The following SLC35D1 variants were observed in gnomAD, a reference collection of about 807,000 sequenced individuals.
SLC35D1 encodes nucleotide sugar transporter SLC35D1.
In SLC35D1, 31 loss-of-function variants were observed where a neutral mutation model predicts 46.7. The observed-to-expected ratio is 0.66, with a 90% confidence interval of 0.50 to 0.90. SLC35D1 has a LOEUF of 0.90. Among genes scored for constraint, SLC35D1 ranks in the 40% least tolerant of loss-of-function variants. The pLI, the probability that SLC35D1 is intolerant of heterozygous loss-of-function variation, is 0.00. For synonymous variants in SLC35D1, 195 were observed against 164.6 expected, an observed-to-expected ratio of 1.18 and a Z score of -1.41; for missense variants, 397 against 426.2, an observed-to-expected ratio of 0.93 and a Z score of 0.60.
chr1:66,985,844 C>G, the SLC35D1 span: 3 of 510,640 alleles, frequency 5.9e-6, no homozygotes, highest in Non-Finnish European at 7.1e-6. Flanking sequence ...TTTTAAATTT[C>G]TACTTAAGGG....
chr1:66,990,544 G>A, the SLC35D1 span, among the ~76,000 whole-genome samples: 1 of 152,138 alleles, frequency 6.6e-6, no homozygotes, highest in Non-Finnish European at 1.5e-5. Flanking sequence ...TGGGATTACA[G>A]GTGTGACCAC....
intron 8 of SLC35D1, among the ~76,000 whole-genome samples, chr1:67,038,263 C>T (rs570623327): frequency 2.6e-5 from 4 of 152,190 alleles, no homozygotes; most frequent in Non-Finnish European, 5.9e-5. Context: ...TAACTCTAAA[C>T]AGGCTAACTT....
intron 10 of SLC35D1, among the ~76,000 whole-genome samples, chr1:67,016,867 A>G (rs72673758): frequency 0.039 from 5,972 of 152,276 alleles, 148 homozygotes; most frequent in Non-Finnish European, 0.054. Flanking sequence ...TGAAGAAATT[A>G]AAGTTGACTT....
intron 10 of SLC35D1, among the ~76,000 whole-genome samples, chr1:67,012,380 TG>T (rs1667584191): frequency 1.3e-5 from 2 of 152,022 alleles, no homozygotes; most frequent in East Asian, 3.9e-4. Context: ...ATGGGAACTT[TG>T]GGAAGGCTCT....
chr1:67,043,847 G>A (rs1459723699), intron 7 of SLC35D1, among the ~76,000 whole-genome samples: 2 of 152,166 alleles, frequency 1.3e-5, no homozygotes, highest in Admixed American at 1.3e-4. Flanking sequence ...GGGACATTCA[G>A]CATGAAGCAG....
chr1:66,977,864 A>G, the SLC35D1 span, among the ~76,000 whole-genome samples: 80 of 152,322 alleles, frequency 5.3e-4, no homozygotes, highest in Non-Finnish European at 4.4e-4. Context: ...AATGTACTCC[A>G]GTAAAGATGT....
intron 11 of SLC35D1, among the ~76,000 whole-genome samples, chr1:67,008,086 T>A (rs1287401184): frequency 6.6e-6 from 1 of 152,188 alleles, no homozygotes; most frequent in Non-Finnish European, 1.5e-5. Flanking sequence ...TTATGCCTTT[T>A]AAAAAATTTT....
chr1:67,048,142 T>C (rs1001596480), intron 6 of SLC35D1, among the ~76,000 whole-genome samples: 3 of 152,256 alleles, frequency 2.0e-5, no homozygotes, highest in African/African-American at 7.2e-5. Context: ...TCTATGCCAC[T>C]GCAATTTTAG....
chr1:66,989,946 A>G, the SLC35D1 span, among the ~76,000 whole-genome samples: 3 of 152,094 alleles, frequency 2.0e-5, no homozygotes, highest in African/African-American at 7.2e-5. Context: ...TCCTTAGTCT[A>G]CTCTTGTCAC....
At chr1:67,013,485 G>T (rs573546460) in intron 10 of SLC35D1, among the ~76,000 whole-genome samples, 38 of 152,114 alleles carry the variant, frequency 2.5e-4, no homozygotes, top group South Asian at 1.0e-3. Flanking sequence ...AGCCCGGGAG[G>T]TCAAGGCTGC....
Position 67,054,142 on chromosome 1 carries a change from C to T in SLC35D1, c.-129G>A. 1.1e-6 allele frequency: 1 copy of T among 871,790 alleles called. No individual in the cohort carries two copies. The allele number at this position is 871,790 out of a possible 1,614,324, so 54.0% of individuals were successfully genotyped here. A position where few individuals can be genotyped will look rare whatever the true frequency, so the allele number is the denominator to read the frequency against. On this transcript the variant is annotated 5_prime_UTR_variant, in exon 1 of 12. Coordinates refer to ENST00000235345, the MANE Select transcript of SLC35D1 (RefSeq NM_015139.3). ...AGCTGCGCGCTCGCCGCCTCGACTC[C>T]CCGCTTGGCCGCCGCCTGTCCCCGC...
At chr1:67,018,435 C>A (rs1347697797) in intron 10 of SLC35D1, among the ~76,000 whole-genome samples, 1 of 152,034 alleles carries the variant, frequency 6.6e-6, no homozygotes, top group Non-Finnish European at 1.5e-5. Flanking sequence ...ATTAGGGTAT[C>A]CTAAGCAAGG....
At chr1:66,997,267 T>C (rs547671349), downstream of SLC35D1, among the ~76,000 whole-genome samples, 2 of 152,048 alleles carry the variant, frequency 1.3e-5, no homozygotes, top group Non-Finnish European at 2.9e-5. Flanking sequence ...TCTTAGCATT[T>C]TGGGAGACCC....
At chr1:67,025,945 T>C (rs1667905481) in intron 8 of SLC35D1, among the ~76,000 whole-genome samples, 1 of 152,192 alleles carries the variant, frequency 6.6e-6, no homozygotes, top group Non-Finnish European at 1.5e-5. Flanking sequence ...TTCTAGATTC[T>C]TTAAGATTTT....
At chr1:67,053,117 C>A in intron 1 of SLC35D1, 128 bp from the exon 2 acceptor site, 2 of 1,117,858 alleles carry the variant, frequency 1.8e-6, no homozygotes, top group South Asian at 2.7e-5. Context: ...GCCCCTAAAT[C>A]AAACAAAAAT....
intron 7 of SLC35D1, 58 bp downstream of exon 7, chr1:67,047,207 T>C: frequency 7.3e-7 from 1 of 1,367,988 alleles, no homozygotes; most frequent in Non-Finnish European, 1.0e-6. Flanking sequence ...CTTTTTCTCC[T>C]ATGAATTGAC....
rs1027669842 is a variant in SLC35D1, at chr1:67,047,169, C to T, written c.636+96G>A. On this transcript the variant is annotated intron_variant, in intron 7 of 11. Transcript: ENST00000235345. ...CAGAGAGCCACTATGTCTTTCTCAT[C>T]CCCAGTAAGAACTTTCTTTATTCCC... The T allele has an allele frequency of 2.9e-5, 26 of 904,682 alleles. No individual in the cohort carries two copies. In the African/African-American group the frequency reaches 4.3e-4, roughly 15 times the overall value. 56.0% of individuals were successfully genotyped at this position (904,682 alleles called of 1,614,324 possible). A position where few individuals can be genotyped will look rare whatever the true frequency, so the allele number is the denominator to read the frequency against.
chr1:67,053,750 C>A, intron 1 of SLC35D1, 61 bp downstream of exon 1: 1 of 1,393,310 alleles, frequency 7.2e-7, no homozygotes, highest in Non-Finnish European at 9.4e-7. Context: ...GAGCCGGCGC[C>A]GCGCCGCCGC....
chr1:67,004,179 A>G lies in SLC35D1; in HGVS notation c.*161T>C. On this transcript the variant is annotated 3_prime_UTR_variant, in exon 12 of 12. Coordinates refer to ENST00000235345, the MANE Select transcript of SLC35D1 (RefSeq NM_015139.3). ...GAGTCAATTATAAGTTTCTCTCTTC[A>G]TAAAATTTTAAAAGGCAGCAATCAA... is the stretch of plus-strand genomic sequence containing the variant. 1.5e-6 allele frequency: 1 copy of G among 662,624 alleles called. No homozygotes were observed. Among genetic ancestry groups the G allele is most frequent in the Middle Eastern group, 2.5e-4 (1 of 4,044 alleles). The allele number at this position is 662,624 out of a possible 1,614,324, so 41.0% of individuals were successfully genotyped here.
Sources: gnomAD v4.1 joint callset for allele counts (sites outside exome capture counted in the v4.1 genomes callset) on GRCh38, gnomAD v4.1.1 for gene constraint, MANE v1.5 for transcripts, NCBI Gene and HGNC (gene_info 2026-07-23, HGNC 2026-07-21) for gene names.